Variants in ZBTB16 observed in about 807,000 individuals in gnomAD.
The protein encoded by ZBTB16 is zinc finger and BTB domain-containing protein 16.
ZBTB16 carries 8 observed loss-of-function variants against 56.8 expected under a neutral mutation model. The ratio of observed to expected loss-of-function variants is 0.14; its 90% CI spans 0.08 to 0.25. ZBTB16 has a LOEUF of 0.25. Among genes scored for constraint, ZBTB16 ranks in the 10% least tolerant of loss-of-function variants. ZBTB16 has a pLI of 1.00. For synonymous variants in ZBTB16, 363 were observed against 368.5 expected (o/e 0.98, Z 0.17); for missense variants, 625 against 903.0 (o/e 0.69, Z 3.95).
chr11:114,095,151 G>A (rs1026272936), intron 2 of ZBTB16, among the ~76,000 whole-genome samples: 6 of 152,178 alleles, frequency 3.9e-5, no homozygotes, highest in South Asian at 4.1e-4. Context: ...GCACGTGCAC[G>A]CGCCCTGCAG....
At chr11:114,099,995 C>G (rs534815563) in intron 2 of ZBTB16, among the ~76,000 whole-genome samples, 3 of 152,286 alleles carry the variant, frequency 2.0e-5, no homozygotes, top group East Asian at 3.9e-4. Flanking sequence ...ACAGTCAACC[C>G]TCCTTAAAAG....
intron 2 of ZBTB16, among the ~76,000 whole-genome samples, chr11:114,144,181 C>CACAA (rs763278658): frequency 0.032 from 3,414 of 107,470 alleles, 57 homozygotes; most frequent in Middle Eastern, 0.049. Context: ...TTGCCAGACA[C>CACAA]ACACACACAC....
chr11:114,100,072 C>G (rs1940555038), intron 2 of ZBTB16, among the ~76,000 whole-genome samples: 2 of 152,216 alleles, frequency 1.3e-5, no homozygotes, highest in Admixed American at 6.5e-5. Context: ...AGTTGGTGCC[C>G]TGCACTGGGA....
chr11:114,157,134 A>G (rs1942436606), intron 3 of ZBTB16, among the ~76,000 whole-genome samples: 1 of 152,048 alleles, frequency 6.6e-6, no homozygotes, highest in Admixed American at 6.5e-5. Context: ...CCTTGGAGTC[A>G]TTTTTTAGGG....
intron 2 of ZBTB16, among the ~76,000 whole-genome samples, chr11:114,101,667 A>G (rs1413394618): frequency 6.6e-6 from 1 of 152,232 alleles, no homozygotes. Context: ...ATTGGGGACG[A>G]TATTGCCTAA....
At position 114,068,120 on chromosome 11, in the gene ZBTB16, G is replaced by A. The variant is rs890827345; in HGVS notation, c.1268+3552G>A. 2.0e-5 allele frequency among the ~76,000 whole-genome samples: 3 copies of A among 150,120 alleles called. No individual in the cohort carries two copies. In the South Asian group the frequency reaches 6.3e-4, roughly 31 times the overall value. ...AGGCCAGGAAGCCATGGCATTCACT[G>A]GAAATATATCAGTGATAAAATAACA... On this transcript the variant is annotated intron_variant, in intron 2 of 6. Coordinates refer to ENST00000335953, the MANE Select transcript of ZBTB16 (RefSeq NM_006006.6).
chr11:114,197,192 C>T lies in ZBTB16; in HGVS notation c.1453+10154C>T, dbSNP rs1448854742. Among the ~76,000 whole-genome samples the T allele has an allele frequency of 4.6e-5, 7 of 152,182 alleles. No homozygotes were observed. The South Asian group carries it at 6.2e-4, about 14-fold the overall frequency. On this transcript the variant is annotated intron_variant, in intron 4 of 6. Transcript: ENST00000335953. ...AGGTTGCTTAGTTTCCACATTACTG[C>T]GTCACAGGGGAAGCCACTCAACCAG... is the stretch of plus-strand genomic sequence containing the variant.
chr11:114,197,371 C>T (rs535337746), intron 4 of ZBTB16, among the ~76,000 whole-genome samples: 1 of 152,068 alleles, frequency 6.6e-6, no homozygotes, highest in African/African-American at 2.4e-5. Flanking sequence ...GGAACCCCAC[C>T]CAAAGGGTCC....
chr11:114,123,479 A>G (rs1941400433), intron 2 of ZBTB16, among the ~76,000 whole-genome samples: 1 of 152,170 alleles, frequency 6.6e-6, no homozygotes, highest in African/African-American at 2.4e-5. Context: ...AGATGTGTGC[A>G]TATATACACA....
chr11:114,227,075 C>G (rs1223987344), intron 4 of ZBTB16, among the ~76,000 whole-genome samples: 2 of 152,220 alleles, frequency 1.3e-5, no homozygotes, highest in Non-Finnish European at 2.9e-5. Flanking sequence ...ACCACCATCA[C>G]CACCAGCCTG....
At chr11:114,195,594 C>T (rs1943587761) in intron 4 of ZBTB16, among the ~76,000 whole-genome samples, 1 of 152,146 alleles carries the variant, frequency 6.6e-6, no homozygotes, top group African/African-American at 2.4e-5. Context: ...CCCCATGAAG[C>T]CTAAAGTCAG....
At chr11:114,213,859 CAGT>C (rs1377783772) in intron 4 of ZBTB16, among the ~76,000 whole-genome samples, 1 of 152,180 alleles carries the variant, frequency 6.6e-6, no homozygotes, top group African/African-American at 2.4e-5. Flanking sequence ...GGTCACACAG[CAGT>C]AGTAAGTGGT....
rs552703942 is a variant in ZBTB16 at position 114,256,470 on chromosome 11, C to G, written c.*5915C>G. On this transcript the variant is annotated 3_prime_UTR_variant, in exon 7 of 7. Transcript: ENST00000335953. ...GAGCAGCAGTCAGAACTCCATCCAC[C>G]TCTCCTGATACCAGGCCAGGTTCCT... Among the ~76,000 whole-genome samples the G allele has an allele frequency of 1.3e-5, 2 of 152,342 alleles. No homozygotes were observed. Among genetic ancestry groups the G allele is most frequent in the South Asian group, 4.1e-4 (2 of 4,828 alleles).
At chr11:114,222,295 C>A (rs1426522136) in intron 4 of ZBTB16, among the ~76,000 whole-genome samples, 1 of 152,144 alleles carries the variant, frequency 6.6e-6, no homozygotes, top group African/African-American at 2.4e-5. Flanking sequence ...TTCTCAGTGG[C>A]CTCTTGGACT....
intron 3 of ZBTB16, among the ~76,000 whole-genome samples, chr11:114,160,325 A>G (rs1298610171): frequency 6.6e-6 from 1 of 152,120 alleles, no homozygotes; most frequent in African/African-American, 2.4e-5. Flanking sequence ...CCGATGCTTG[A>G]GAATAGGCCG....
At chr11:114,114,526 T>G (rs575789376) in intron 2 of ZBTB16, among the ~76,000 whole-genome samples, 6 of 152,304 alleles carry the variant, frequency 3.9e-5, no homozygotes, top group Non-Finnish European at 8.8e-5. Context: ...AGAGTTTGTT[T>G]CAGTTCTTAT....
At chr11:114,206,424 C>G (rs753649925) in intron 4 of ZBTB16, among the ~76,000 whole-genome samples, 88 of 152,188 alleles carry the variant, frequency 5.8e-4, no homozygotes, top group Non-Finnish European at 8.2e-4. Context: ...ACCCACAACT[C>G]TGTGCCATCT....
intron 2 of ZBTB16, among the ~76,000 whole-genome samples, chr11:114,140,607 G>A (rs1440847116): frequency 6.6e-6 from 1 of 152,198 alleles, no homozygotes; most frequent in Non-Finnish European, 1.5e-5. Flanking sequence ...ATTCTGATGA[G>A]TAGAGGATGG....
At position 114,064,593 on chromosome 11, in the gene ZBTB16, C is replaced by T; in HGVS notation, c.1268+25C>T. 1 of 1,612,246 alleles carries T rather than the reference C, an allele frequency of 6.2e-7. No individual in the cohort carries two copies. The highest frequency in any genetic ancestry group is 1.1e-5 in the South Asian group (1 of 90,980). ...GGTAGGCCCCGCTCCAGCCCCGCAC[C>T]TGATGTAGGACTTGAGGCCCTCACA... is the stretch of plus-strand genomic sequence containing the variant. On this transcript the variant is annotated intron_variant, in intron 2 of 6. Coordinates refer to ENST00000335953, the MANE Select transcript of ZBTB16 (RefSeq NM_006006.6). This position sits in a 1 kb window ranked among gnomAD's most constrained non-coding sequence, Gnocchi z 4.2.
Sources: allele counts gnomAD v4.1 joint callset (sites outside exome capture counted in the v4.1 genomes callset), GRCh38; gene constraint gnomAD v4.1.1; non-coding constraint Gnocchi (gnomAD v3.1); transcripts MANE v1.5; gene names NCBI Gene and HGNC (gene_info 2026-07-23, HGNC 2026-07-21).